Variants in SATL1 observed in about 807,000 individuals in gnomAD.
The protein encoded by SATL1 is spermidine/spermine N(1)-acetyltransferase-like protein 1.
Under a neutral mutation model 51.8 loss-of-function variants are expected in SATL1, and 47 were observed. The observed-to-expected ratio is 0.91, with a 90% CI of 0.72 to 1.16. SATL1 has a LOEUF of 1.16. SATL1 is among the 50% of genes most tolerant of loss of function. The pLI, the probability that SATL1 is intolerant of heterozygous loss-of-function variation, is 0.00. For synonymous variants in SATL1, 176 were observed against 182.4 expected, an observed-to-expected ratio of 0.97 and a Z score of 0.28; for missense variants, 520 against 526.4, an observed-to-expected ratio of 0.99 and a Z score of 0.12.
intron 4 of SATL1, among the ~76,000 whole-genome samples, chrX:85,103,125 G>A (rs902670884): frequency 2.7e-5 from 3 of 111,532 alleles, no homozygotes; most frequent in Non-Finnish European, 5.7e-5. Context: ...CATCACATAA[G>A]ACAACTGATC....
chrX:85,219,853 T>C (rs1928133611), intron 2 of SATL1, among the ~76,000 whole-genome samples: 1 of 109,437 alleles, frequency 9.1e-6, no homozygotes, highest in African/African-American at 3.3e-5. Flanking sequence ...AATAGAAGGC[T>C]CCACCAATCG....
At chrX:85,141,840 T>C (rs1361481379) in intron 2 of SATL1, among the ~76,000 whole-genome samples, 2 of 108,821 alleles carry the variant, frequency 1.8e-5, no homozygotes, top group Admixed American at 9.9e-5. Flanking sequence ...TTATAACCTT[T>C]TGTATCTTAT....
At chrX:85,219,052 T>G (rs1928116465) in intron 2 of SATL1, 1 of 111,580 alleles carries the variant, frequency 9.0e-6, no homozygotes, top group African/African-American at 3.3e-5. Context: ...ATTTGCAGAG[T>G]TTTTCTACAC....
At chrX:85,220,482 C>T (rs1235390144) in intron 2 of SATL1, among the ~76,000 whole-genome samples, 2 of 106,249 alleles carry the variant, frequency 1.9e-5, no homozygotes, top group Non-Finnish European at 3.9e-5. Context: ...GCTTGTGGCT[C>T]CAAAAGAGAC....
intron 7 of SATL1, 87 bp downstream of exon 7, chrX:85,093,098 T>G: frequency 1.3e-4 from 118 of 905,071 alleles, no homozygotes; most frequent in Non-Finnish European, 1.7e-4. Flanking sequence ...GTTCAAATGG[T>G]GAGATTAATG....
At chrX:85,129,872 G>T (rs1452873511) in intron 2 of SATL1, among the ~76,000 whole-genome samples, 4 of 111,583 alleles carry the variant, frequency 3.6e-5, no homozygotes, top group African/African-American at 1.3e-4. Context: ...GTTGAATTTT[G>T]TCAAAGGCCT....
intron 2 of SATL1, among the ~76,000 whole-genome samples, chrX:85,202,976 G>C (rs978371859): frequency 4.5e-5 from 5 of 111,875 alleles, no homozygotes; most frequent in African/African-American, 6.5e-5. Context: ...TAGCTCTGGT[G>C]GGGGGTGGCT....
At chrX:85,131,450 T>A (rs1437782303) in intron 2 of SATL1, among the ~76,000 whole-genome samples, 8 of 111,218 alleles carry the variant, frequency 7.2e-5, no homozygotes, top group African/African-American at 2.3e-4. Context: ...GTCTCTTTTA[T>A]CAGAGACTAG....
intron 2 of SATL1, among the ~76,000 whole-genome samples, chrX:85,200,517 A>C (rs1927666765): frequency 1.8e-5 from 2 of 111,555 alleles, no homozygotes; most frequent in Non-Finnish European, 3.8e-5. Context: ...CAATAGGTTA[A>C]AAAGTGTGAA....
chrX:85,138,302 C>T (rs1413285298), intron 2 of SATL1, among the ~76,000 whole-genome samples: 4 of 109,613 alleles, frequency 3.6e-5, no homozygotes, highest in Non-Finnish European at 7.6e-5. Context: ...GTTGTGGTAC[C>T]GACAACTAAA....
At position 85,107,914 on chromosome X, in the gene SATL1, G is replaced by A. The variant is rs762114257; in HGVS notation, c.1055C>T (p.Pro352Leu). The A allele has an allele frequency of 1.2e-5, 15 of 1,207,306 alleles. No homozygotes were observed. The highest frequency in any genetic ancestry group is 8.8e-5 in the South Asian group (5 of 56,604). Residue 352 changes from proline (P) to leucine (L), a missense_variant, in exon 3 of 8, where the codon CCG becomes CTG. Around this residue, in one of 3 missense-constraint regions of SATL1, gnomAD observed 488 missense variants for 474.3 expected, o/e 1.03. Coordinates refer to ENST00000644105, the MANE Select transcript of SATL1 (RefSeq NM_001367857.2). Reference sequence around the variant, plus strand: ...GCCTGATTGGCTTGGGGCTCGTTGCGGTGGACCTGGTTGGCTTATGCTTGC... The same window carrying A: ...GCCTGATTGGCTTGGGGCTCGTTGCAGTGGACCTGGTTGGCTTATGCTTGC... ...SEASISQPGP[P>L]QRAPSQSGPR...
chrX:85,158,505 A>T (rs780722703), intron 2 of SATL1, among the ~76,000 whole-genome samples: 4 of 112,179 alleles, frequency 3.6e-5, no homozygotes, highest in Non-Finnish European at 5.6e-5. Flanking sequence ...TTCTCATCAT[A>T]AATACCTTTT....
intron 4 of SATL1, among the ~76,000 whole-genome samples, chrX:85,096,087 A>G (rs186953732): frequency 9.0e-6 from 1 of 111,667 alleles, no homozygotes; most frequent in East Asian, 2.8e-4. Context: ...ATAGCTGATG[A>G]AAGCCAGATG....
At chrX:85,158,456 A>T (rs963692923) in intron 2 of SATL1, among the ~76,000 whole-genome samples, 11 of 112,003 alleles carry the variant, frequency 9.8e-5, no homozygotes, top group Admixed American at 2.9e-4. Flanking sequence ...TCATGTGAAA[A>T]GAATTCACTG....
chrX:85,095,261 A>C (rs1246084293), intron 4 of SATL1, among the ~76,000 whole-genome samples: 2 of 112,005 alleles, frequency 1.8e-5, no homozygotes, highest in East Asian at 5.6e-4. Context: ...CCTCTACTCC[A>C]TGGGAACAGC....
chrX:85,093,379 CT>C, intron 6 of SATL1, 154 bp from the exon 7 acceptor site: 2 of 503,544 alleles, frequency 4.0e-6, no homozygotes, highest in Non-Finnish European at 3.2e-6. Flanking sequence ...TTTCATATCC[CT>C]TTTTCCTAAT....
rs778971184 is a variant in SATL1 at position 85,107,822 on chromosome X, G to A, written c.1147C>T (p.Gln383Ter). 8.3e-7 allele frequency: 1 copy of A among 1,211,598 alleles called. No homozygotes were observed. The highest frequency in any genetic ancestry group is 3.0e-5 in the East Asian group (1 of 33,822). ...CCACCTGACTGTCTCATGTCTAGTT[G>A]CCACATCACTGGTTGGCTTATACCT... is the stretch of plus-strand genomic sequence containing the variant. ...QSGISQPVMW[Q>*]LDMRQSGGSQ... is the part of the protein sequence containing the mutation. The change falls in exon 3 of 8, where the codon CAA becomes TAA. Residue 383 changes from glutamine (Q) to a stop codon, truncating the protein, a stop_gained. Coordinates refer to ENST00000644105, the MANE Select transcript of SATL1 (RefSeq NM_001367857.2). LOFTEE classifies it high-confidence loss of function.
At chrX:85,212,663 T>A in intron 2 of SATL1, 1 of 111,254 alleles carries the variant, frequency 9.0e-6, no homozygotes, top group Non-Finnish European at 1.9e-5. Context: ...TTTATTTTAT[T>A]TTTTTTCATT....
chrX:85,130,946 G>T (rs1361185224), intron 2 of SATL1, among the ~76,000 whole-genome samples: 2 of 111,897 alleles, frequency 1.8e-5, no homozygotes, highest in Non-Finnish European at 3.8e-5. Flanking sequence ...TTTCCATGTA[G>T]TTGTGCGGTT....
Sources: allele counts gnomAD v4.1 joint callset (sites outside exome capture counted in the v4.1 genomes callset), GRCh38; gene constraint gnomAD v4.1.1; regional missense constraint gnomAD v4.1.1; transcripts MANE v1.5; gene names NCBI Gene and HGNC (gene_info 2026-07-23, HGNC 2026-07-21).